The following PSD3 variants were observed in gnomAD, a reference collection of about 807,000 sequenced individuals.
PSD3 encodes PH and SEC7 domain-containing protein 3.
Under a neutral mutation model 105.5 loss-of-function variants are expected in PSD3, and 49 were observed. The observed-to-expected ratio is 0.46, with a 90% CI of 0.37 to 0.59. The LOEUF is 0.59. Ranked by LOEUF, PSD3 falls within the 20% of genes least tolerant of loss-of-function variation. The probability of loss-of-function intolerance (pLI) is 0.00; values close to 1 mark genes in which losing one functional copy is unlikely to be tolerated. For synonymous variants in PSD3, 557 were observed against 457.8 expected, an observed-to-expected ratio of 1.22 and a Z score of -2.77; for missense variants, 1,561 against 1,263.8, an observed-to-expected ratio of 1.24 and a Z score of -3.57.
intron 2 of PSD3, among the ~76,000 whole-genome samples, chr8:18,931,645 CTT>C (rs1821756245): frequency 2.0e-5 from 3 of 152,178 alleles, no homozygotes. Context: ...CCACCCGACT[CTT>C]TTCTTTTAAT....
intron 4 of PSD3, among the ~76,000 whole-genome samples, chr8:18,806,766 C>T (rs1811243487): frequency 6.6e-6 from 1 of 152,164 alleles, no homozygotes; most frequent in Admixed American, 6.5e-5. Flanking sequence ...AGTTCTTTAA[C>T]TTGGCTTGCA....
intron 1 of PSD3, among the ~76,000 whole-genome samples, chr8:19,021,678 C>A (rs56343535): frequency 0.26 from 40,250 of 152,006 alleles, 6,338 homozygotes; most frequent in East Asian, 0.4. Flanking sequence ...AAACTATCTG[C>A]TGTGATCCTT....
At chr8:18,997,648 G>A (rs763863055) in intron 1 of PSD3, among the ~76,000 whole-genome samples, 4 of 152,012 alleles carry the variant, frequency 2.6e-5, no homozygotes, top group Non-Finnish European at 5.9e-5. Flanking sequence ...AGGACCTGGC[G>A]ACGGTGTCCG....
intron 4 of PSD3, among the ~76,000 whole-genome samples, chr8:18,850,293 C>A (rs930474546): frequency 1.3e-5 from 2 of 152,232 alleles, no homozygotes; most frequent in African/African-American, 4.8e-5. Flanking sequence ...ATGGTGGCAT[C>A]TCTATTTCAG....
intron 9 of PSD3, among the ~76,000 whole-genome samples, chr8:18,707,489 A>G (rs1027303040): frequency 6.6e-6 from 1 of 152,184 alleles, no homozygotes; most frequent in Non-Finnish European, 1.5e-5. Context: ...ACAGCCCCAC[A>G]ACACACACAC....
chr8:18,675,128 C>T lies in PSD3; in HGVS notation c.2173-19443G>A, dbSNP rs187547377. On this transcript the variant is annotated intron_variant, in intron 9 of 15. Transcript: ENST00000327040. ...CTCAAAGTACTTTCTTGTATCTGTA[C>T]GTCTAGTTAGGTAGGACCTCAACCC... Among the ~76,000 whole-genome samples the T allele has an allele frequency of 9.2e-5, 14 of 152,252 alleles. No individual in the cohort carries two copies. In the East Asian group the frequency reaches 1.2e-3, roughly 13 times the overall value.
intron 1 of PSD3, among the ~76,000 whole-genome samples, chr8:19,077,089 A>G (rs1829483620): frequency 3.3e-5 from 5 of 152,332 alleles, no homozygotes; most frequent in African/African-American, 1.2e-4. Flanking sequence ...TTTATGGGGA[A>G]GATTGAGTCT....
At chr8:19,055,719 A>T (rs1743482277) in intron 1 of PSD3, among the ~76,000 whole-genome samples, 1 of 152,240 alleles carries the variant, frequency 6.6e-6, no homozygotes, top group African/African-American at 2.4e-5. Flanking sequence ...TTACACAATT[A>T]AGACAAGTGC....
intron 1 of PSD3, among the ~76,000 whole-genome samples, chr8:18,940,798 G>C (rs1019232487): frequency 1.3e-5 from 2 of 152,120 alleles, no homozygotes; most frequent in Non-Finnish European, 2.9e-5. Context: ...CCCTGGGTCT[G>C]GGGTATAATG....
At chr8:19,002,588 A>C (rs1004428218) in intron 1 of PSD3, among the ~76,000 whole-genome samples, 1 of 152,102 alleles carries the variant, frequency 6.6e-6, no homozygotes, top group Non-Finnish European at 1.5e-5. Flanking sequence ...AGTTGAAAAA[A>C]ATAAAACCAT....
chr8:18,536,011 G>A lies in PSD3; in HGVS notation c.2929-53C>T, dbSNP rs1347145783. On this transcript the variant is annotated intron_variant, in intron 15 of 15. Coordinates refer to ENST00000327040, the MANE Select transcript of PSD3 (RefSeq NM_015310.4). ...AGTCAGAAAACTGTTCAAAATGCAC[G>A]TGTGCAGCACACTTGTGTATTACCC... The A allele has an allele frequency of 2.4e-5, 37 of 1,523,482 alleles. No individual in the cohort carries two copies. In the East Asian group the frequency reaches 6.3e-4, roughly 26 times the overall value. 94.4% of individuals were successfully genotyped at this position (1,523,482 alleles called of 1,614,324 possible).
chr8:18,788,827 A>C (rs1185061313), intron 8 of PSD3, among the ~76,000 whole-genome samples: 1 of 152,204 alleles, frequency 6.6e-6, no homozygotes, highest in Admixed American at 6.5e-5. Context: ...CTCTGCTGAA[A>C]GCTCCTGTTT....
At chr8:18,647,912 G>A (rs1016654649) in intron 10 of PSD3, among the ~76,000 whole-genome samples, 17 of 152,278 alleles carry the variant, frequency 1.1e-4, no homozygotes, top group African/African-American at 3.6e-4. Flanking sequence ...GCCATGTGAA[G>A]TGCCAGCTCC....
rs754779969 is a variant in PSD3 at position 19,001,905 on chromosome 8, G to A, written c.21+11658C>T. ...AGAAACTGTGGACAAGGCACAAGAAGAAGTCTGAATATGTGAAAGCCAGCA... is the reference window on the plus strand; with the variant it reads ...AGAAACTGTGGACAAGGCACAAGAAAAAGTCTGAATATGTGAAAGCCAGCA... On this transcript the variant is annotated intron_variant, in intron 1 of 15. Coordinates refer to ENST00000327040, the MANE Select transcript of PSD3 (RefSeq NM_015310.4). 36 of 188,258 alleles carry A rather than the reference G, an allele frequency of 1.9e-4. 1 individual carries two copies. The highest frequency in any genetic ancestry group is 3.1e-4 in the Non-Finnish European group (28 of 90,004). The allele number at this position is 188,258 out of a possible 1,614,324, so 11.7% of individuals were successfully genotyped here. A position where few individuals can be genotyped will look rare whatever the true frequency, so the allele number is the denominator to read the frequency against.
At chr8:18,977,479 T>C (rs758249006) in intron 1 of PSD3, among the ~76,000 whole-genome samples, 2 of 152,106 alleles carry the variant, frequency 1.3e-5, no homozygotes, top group Non-Finnish European at 2.9e-5. Context: ...ACTAATGTTA[T>C]TTGCTTTATT....
intron 4 of PSD3, among the ~76,000 whole-genome samples, chr8:18,861,071 T>A (rs1816400541): frequency 6.6e-6 from 1 of 152,132 alleles, no homozygotes; most frequent in South Asian, 2.1e-4. Flanking sequence ...TCCAGGACCA[T>A]TTCCTGAAGT....
intron 9 of PSD3, among the ~76,000 whole-genome samples, chr8:18,745,973 T>TAGAC (rs1033974765): frequency 6.6e-6 from 1 of 152,226 alleles, no homozygotes; most frequent in African/African-American, 2.4e-5. Context: ...GACAAATGCC[T>TAGAC]AGACAGACAG....
chr8:18,966,091 CTCAG>C (rs1274622506), intron 1 of PSD3, among the ~76,000 whole-genome samples: 1 of 152,202 alleles, frequency 6.6e-6, no homozygotes, highest in East Asian at 1.9e-4. Flanking sequence ...ACAGCTAGCA[CTCAG>C]TCAGAGAAAA....
chr8:18,990,375 C>T (rs1363091703), intron 1 of PSD3, among the ~76,000 whole-genome samples: 3 of 152,120 alleles, frequency 2.0e-5, no homozygotes, highest in East Asian at 1.9e-4. Context: ...CACTTGGCTC[C>T]GCCGCCTGGC....
Sources: gnomAD v4.1 joint callset for allele counts (sites outside exome capture counted in the v4.1 genomes callset) on GRCh38, gnomAD v4.1.1 for gene constraint, MANE v1.5 for transcripts, NCBI Gene and HGNC (gene_info 2026-07-23, HGNC 2026-07-21) for gene names.